IYD: variants seen among roughly 807,000 people sequenced by gnomAD.
The protein encoded by IYD is iodotyrosine deiodinase.
Under a neutral mutation model 28.4 loss-of-function variants are expected in IYD, and 25 were observed. The observed-to-expected ratio is 0.88, with a 90% CI of 0.64 to 1.23. The LOEUF is 1.23. IYD is among the 50% of genes most tolerant of loss of function. IYD has a pLI of 0.00. For missense variants in IYD, 352 were observed against 357.9 expected (o/e 0.98, Z 0.13); for synonymous variants, 140 against 130.8 (o/e 1.07, Z -0.48).
At position 150,401,021 on chromosome 6, in the gene IYD, G is replaced by A. The variant is rs1342860666; in HGVS notation, c.*2784G>A. The stretch of plus-strand genomic sequence containing the variant: ...AGCATCATATTGACAACTTACTCCA[G>A]GAAAAAAGGTGTGTGTATAGGTGTG... On this transcript the variant is annotated 3_prime_UTR_variant, in exon 5 of 5. Transcript: ENST00000344419. 1 of 152,150 alleles carries A rather than the reference G, an allele frequency of 6.6e-6. No homozygotes were observed. The highest frequency in any genetic ancestry group is 2.4e-5 in the African/African-American group (1 of 41,416). 9.4% of individuals were successfully genotyped at this position (152,150 alleles called of 1,614,324 possible). A position where few individuals can be genotyped will look rare whatever the true frequency, so the allele number is the denominator to read the frequency against.
intron 4 of IYD, among the ~76,000 whole-genome samples, chr6:150,394,798 A>G (rs1778249613): frequency 6.6e-6 from 1 of 152,238 alleles, no homozygotes; most frequent in Non-Finnish European, 1.5e-5. Context: ...TTCACTCAAC[A>G]GTGCATTCAC....
rs1474489263 is a variant in IYD, at chr6:150,383,937, A to C, written c.179-5415A>C. ...TTTCTTCCATCACACAGCTCAAGGC[A>C]TGGGATACACATCATATCAAGCACA... On this transcript the variant is annotated intron_variant, in intron 1 of 4. Coordinates refer to ENST00000344419, the MANE Select transcript of IYD (RefSeq NM_203395.3). Among the ~76,000 whole-genome samples, 3 of 152,296 alleles carry C rather than the reference A, an allele frequency of 2.0e-5. No individual in the cohort carries two copies. The East Asian group carries it at 5.8e-4, about 29-fold the overall frequency.
intron 2 of IYD, among the ~76,000 whole-genome samples, chr6:150,391,087 A>C (rs1383436338): frequency 1.3e-5 from 2 of 152,084 alleles, no homozygotes; most frequent in East Asian, 1.9e-4. Context: ...GTGTAGAAAA[A>C]TTAGCTGGAT....
intron 2 of IYD, among the ~76,000 whole-genome samples, chr6:150,390,020 A>G (rs973518520): frequency 5.9e-5 from 9 of 152,224 alleles, no homozygotes; most frequent in Non-Finnish European, 1.0e-4. Context: ...GTAAATTTGC[A>G]CAGTAAAACA....
At chr6:150,378,426 G>A (rs994592194) in intron 1 of IYD, among the ~76,000 whole-genome samples, 2 of 151,890 alleles carry the variant, frequency 1.3e-5, no homozygotes, top group East Asian at 1.9e-4. Flanking sequence ...GAGAACATGC[G>A]GTGTTTGGTT....
chr6:150,375,885 C>T (rs1777428385), intron 1 of IYD, among the ~76,000 whole-genome samples: 1 of 152,170 alleles, frequency 6.6e-6, no homozygotes, highest in Non-Finnish European at 1.5e-5. Context: ...GATGATGTGA[C>T]ACAAATTGTC....
intron 1 of IYD, chr6:150,370,490 CCAGCTGGCTCTCAGTGCTAA>C: frequency 1.0e-6 from 1 of 985,344 alleles, no homozygotes; most frequent in South Asian, 4.7e-5. Context: ...CGCAGGGTGT[CCAGCTGGCTCTCAGTGCTAA>C]CAGCCTGTAG....
intron 1 of IYD, chr6:150,384,315 C>T (rs930312342): frequency 6.6e-6 from 1 of 152,066 alleles, no homozygotes; most frequent in Non-Finnish European, 1.5e-5. Flanking sequence ...TCATTAGATC[C>T]CAACAATATT....
chr6:150,381,740 T>A (rs1161723627), intron 1 of IYD, among the ~76,000 whole-genome samples: 1 of 152,230 alleles, frequency 6.6e-6, no homozygotes, highest in Non-Finnish European at 1.5e-5. Context: ...AAAATTATAC[T>A]GTTTATATTC....
At chr6:150,388,441 T>C (rs1777959941) in intron 1 of IYD, among the ~76,000 whole-genome samples, 1 of 152,208 alleles carries the variant, frequency 6.6e-6, no homozygotes, top group East Asian at 1.9e-4. Context: ...GCCTGCAAAT[T>C]TCTTGCTATG....
chr6:150,395,279 C>G lies in IYD; in HGVS notation c.687+1024C>G. ...AAACAAGATTATAAGAGCAAGTAAC[C>G]ATACTTTTGAGAGACAATGGATTAA... On this transcript the variant is annotated intron_variant, in intron 4 of 4. Coordinates refer to ENST00000344419, the MANE Select transcript of IYD (RefSeq NM_203395.3). 2.8e-6 allele frequency: 2 copies of G among 709,752 alleles called. 1 individual carries two copies. Among genetic ancestry groups the G allele is most frequent in the South Asian group, 3.8e-5 (2 of 52,102 alleles). 44.0% of individuals were successfully genotyped at this position (709,752 alleles called of 1,614,324 possible).
At chr6:150,383,839 A>T (rs1017822532) in intron 1 of IYD, among the ~76,000 whole-genome samples, 5 of 150,158 alleles carry the variant, frequency 3.3e-5, no homozygotes, top group African/African-American at 9.9e-5. Flanking sequence ...ATTAATGTTT[A>T]AAAAAAACCT....
rs981105957 is a variant in IYD, at chr6:150,404,911, G to C, written c.*6674G>C. ...TTGCTTCAATGAAGTTAGTGCCAAA[G>C]TCTCAGTGGTTCTCTTGGTCTTTCT... is the stretch of plus-strand genomic sequence containing the variant. On this transcript the variant is annotated 3_prime_UTR_variant, in exon 5 of 5. Transcript: ENST00000344419. 6.6e-6 allele frequency: 1 copy of C among 152,204 alleles called. No individual in the cohort carries two copies. The highest frequency in any genetic ancestry group is 1.5e-5 in the Non-Finnish European group (1 of 68,030). 9.4% of individuals were successfully genotyped at this position (152,204 alleles called of 1,614,324 possible).
At position 150,398,052 on chromosome 6, in the gene IYD, T is replaced by C; in HGVS notation, c.688-3T>C. 6.2e-7 allele frequency: 1 copy of C among 1,614,090 alleles called. No homozygotes were observed. ...AAAATGCTTTCTTGTCCTCTTATTT[T>C]AGAATGCAGGTCTGGTGACTGTCAC... On this transcript the variant is annotated splice_region_variant and splice_polypyrimidine_tract_variant and intron_variant, in intron 4 of 4. Coordinates refer to ENST00000344419, the MANE Select transcript of IYD (RefSeq NM_203395.3).
intron 4 of IYD, chr6:150,395,635 A>G (rs748427886): frequency 1.5e-5 from 19 of 1,245,484 alleles, no homozygotes; most frequent in South Asian, 1.0e-4. Context: ...TTCATAAGGC[A>G]TAATCCCGAG....
At chr6:150,387,429 TAAAAA>T (rs35642662) in intron 1 of IYD, among the ~76,000 whole-genome samples, 2 of 133,876 alleles carry the variant, frequency 1.5e-5, no homozygotes, top group African/African-American at 2.7e-5. Context: ...AAAGTTCTTG[TAAAAA>T]AAAAAAAAAA....
chr6:150,383,912 T>G (rs1777761607), intron 1 of IYD, among the ~76,000 whole-genome samples: 1 of 152,096 alleles, frequency 6.6e-6, no homozygotes, highest in Non-Finnish European at 1.5e-5. Flanking sequence ...AACAAGTTAT[T>G]TTCTTCCATC....
intron 1 of IYD, among the ~76,000 whole-genome samples, chr6:150,372,658 G>A (rs1322660697): frequency 9.4e-6 from 1 of 105,896 alleles, no homozygotes; most frequent in South Asian, 3.7e-4. Flanking sequence ...GGTGGTGAGG[G>A]AACATTGTGT....
At chr6:150,392,531 G>A (rs1440473792) in intron 3 of IYD, 27 bp downstream of exon 3, 2 of 1,612,286 alleles carry the variant, frequency 1.2e-6, no homozygotes, top group Non-Finnish European at 8.5e-7. Flanking sequence ...AACTGGGGAT[G>A]TTTGCCTTGG....
Sources: gnomAD v4.1 joint callset for allele counts (sites outside exome capture counted in the v4.1 genomes callset) on GRCh38, gnomAD v4.1.1 for gene constraint, MANE v1.5 for transcripts, NCBI Gene and HGNC (gene_info 2026-07-23, HGNC 2026-07-21) for gene names.